Variants in GRAMD4 observed in about 807,000 individuals in gnomAD.
GRAMD4 encodes GRAM domain-containing protein 4.
In GRAMD4, 25 loss-of-function variants were observed where a neutral mutation model predicts 83.9. That is an observed-to-expected ratio of 0.30 (90% CI 0.22 to 0.42). The LOEUF is 0.42. GRAMD4 is among the 10% of genes least tolerant of loss of function. GRAMD4 has a pLI of 1.00. For missense variants in GRAMD4, 593 were observed against 788.7 expected (o/e 0.75, Z 2.97); for synonymous variants, 336 against 320.9 (o/e 1.05, Z -0.50).
At chr22:46,597,171 G>A (rs1254901899) in intron 1 of GRAMD4, among the ~76,000 whole-genome samples, 1 of 152,200 alleles carries the variant, frequency 6.6e-6, no homozygotes, top group Non-Finnish European at 1.5e-5. Context: ...AGACTTGCAG[G>A]TGCCAGGTGT....
intron 5 of GRAMD4, among the ~76,000 whole-genome samples, chr22:46,661,979 A>C (rs73176524): frequency 0.09 from 13,682 of 152,322 alleles, 808 homozygotes; most frequent in South Asian, 0.16. Flanking sequence ...GGGGGTCAGC[A>C]AACTCCAGCC....
At chr22:46,627,015 T>A in intron 2 of GRAMD4, 54 bp downstream of exon 2, 1 of 1,322,344 alleles carries the variant, frequency 7.6e-7, no homozygotes, top group Non-Finnish European at 1.1e-6. Flanking sequence ...CCCCGTCCTC[T>A]GTGGCCGGGC....
At chr22:46,660,407 G>T (rs2082309987) in intron 4 of GRAMD4, among the ~76,000 whole-genome samples, 1 of 152,116 alleles carries the variant, frequency 6.6e-6, no homozygotes, top group South Asian at 2.1e-4. Flanking sequence ...TCGTCCTGGT[G>T]CAGATCTGGG....
exon 1 of GRAMD4, chr22:46,577,272 G>A: frequency 1.0e-6 from 1 of 979,608 alleles, no homozygotes; most frequent in Non-Finnish European, 1.2e-6. Context: ...ATGAGAGTTG[G>A]CCCCGATATC....
chr22:46,669,361 T>C (rs1449237475), intron 13 of GRAMD4, among the ~76,000 whole-genome samples: 5 of 151,930 alleles, frequency 3.3e-5, no homozygotes, highest in African/African-American at 1.2e-4. Context: ...ACTAAAACAC[T>C]CATCTGCAGA....
rs1324780612 is a variant in GRAMD4, at chr22:46,659,247, C to T, written c.404+940C>T. On this transcript the variant is annotated intron_variant, in intron 4 of 18. Coordinates refer to ENST00000406902, the MANE Select transcript of GRAMD4 (RefSeq NM_015124.5). This position sits in a 1 kb window ranked among gnomAD's most constrained non-coding sequence, Gnocchi z 4.1. The stretch of plus-strand genomic sequence containing the variant: ...TCTCAGCCTCCACTCCCTCAGCCTC[C>T]CCCCTCAGTCTCCACCCTCAGTTTC... Among the ~76,000 whole-genome samples, 1 of 126,456 alleles carries T rather than the reference C, an allele frequency of 7.9e-6. No individual in the cohort carries two copies. Among genetic ancestry groups the T allele is most frequent in the East Asian group, 1.9e-4 (1 of 5,172 alleles). 83.0% of individuals were successfully genotyped at this position (126,456 alleles called of 152,430 possible).
At chr22:46,638,037 C>T (rs1288081802) in intron 3 of GRAMD4, 77 bp downstream of exon 3, 2 of 1,505,516 alleles carry the variant, frequency 1.3e-6, no homozygotes, top group Non-Finnish European at 1.8e-6. Flanking sequence ...GTCGTCTTGC[C>T]CAGGAGCTGG....
chr22:46,636,799 C>G (rs1018748356), intron 2 of GRAMD4, among the ~76,000 whole-genome samples: 6 of 152,220 alleles, frequency 3.9e-5, no homozygotes, highest in African/African-American at 9.6e-5. Flanking sequence ...CTTTCTGTCC[C>G]ATCAGCAGGG....
chr22:46,608,194 C>T (rs899784498), intron 1 of GRAMD4, among the ~76,000 whole-genome samples: 2 of 152,186 alleles, frequency 1.3e-5, no homozygotes, highest in Non-Finnish European at 2.9e-5. Context: ...AGCCCCTTAG[C>T]AAGCCTGTCC....
Position 46,677,421 on chromosome 22 carries a change from G to T in GRAMD4, c.*170G>T, listed in dbSNP as rs2082615556. 3 of 1,372,680 alleles carry T rather than the reference G, an allele frequency of 2.2e-6. No individual in the cohort carries two copies. Among genetic ancestry groups the T allele is most frequent in the Non-Finnish European group, 2.8e-6 (3 of 1,063,348 alleles). The allele number at this position is 1,372,680 out of a possible 1,614,324, so 85.0% of individuals were successfully genotyped here. A position where few individuals can be genotyped will look rare whatever the true frequency, so the allele number is the denominator to read the frequency against. On this transcript the variant is annotated 3_prime_UTR_variant, in exon 19 of 19. Transcript: ENST00000406902. ...ACCTCTGCGTTTTATCGACCAAGAA[G>T]GGGCCAGGGCTCACAGGGACGGGGG...
chr22:46,654,427 G>A (rs914021205), intron 3 of GRAMD4, among the ~76,000 whole-genome samples: 4 of 152,206 alleles, frequency 2.6e-5, no homozygotes, highest in South Asian at 2.1e-4. Context: ...GTGTCCCGGC[G>A]CCTTGGCAGA....
upstream of GRAMD4, among the ~76,000 whole-genome samples, chr22:46,576,711 C>T (rs970549787): frequency 1.3e-5 from 2 of 152,074 alleles, no homozygotes; most frequent in Non-Finnish European, 2.9e-5. Flanking sequence ...GGGTTTCCAC[C>T]GGCAGCCCAG....
intron 1 of GRAMD4, among the ~76,000 whole-genome samples, chr22:46,580,080 G>A (rs1348992482): frequency 2.6e-5 from 4 of 152,224 alleles, no homozygotes; most frequent in Non-Finnish European, 5.9e-5. Context: ...GACTGTCTCT[G>A]CAGAAAGCCC....
intron 1 of GRAMD4, among the ~76,000 whole-genome samples, chr22:46,613,077 A>G (rs2081433566): frequency 6.6e-6 from 1 of 152,182 alleles, no homozygotes; most frequent in Non-Finnish European, 1.5e-5. Flanking sequence ...CTGCCTCCCC[A>G]GCGCCTGTGG....
At chr22:46,632,406 A>C (rs1235419812) in intron 2 of GRAMD4, among the ~76,000 whole-genome samples, 1 of 152,212 alleles carries the variant, frequency 6.6e-6, no homozygotes, top group African/African-American at 2.4e-5. Context: ...CAGTTGAGGC[A>C]AAAGTTGGAG....
Position 46,673,684 on chromosome 22 carries a change from G to C in GRAMD4, c.1254G>C (p.Ser418=), listed in dbSNP as rs146325443. 2 of 1,611,954 alleles carry C rather than the reference G, an allele frequency of 1.2e-6. No individual in the cohort carries two copies. Among genetic ancestry groups the C allele is most frequent in the Non-Finnish European group, 1.7e-6 (2 of 1,179,170 alleles). ...GCCGTTGGCAGCTGCAGACGACCTC[G>C]TCACGGAGCTACGTACCCAGCGCAC... ...AAVSRRLQTT[S]SRSYVPSAPA... The change falls in exon 15 of 19, where the codon TCG becomes TCC. Residue 418 remains serine (S), a synonymous_variant. Coordinates refer to ENST00000406902, the MANE Select transcript of GRAMD4 (RefSeq NM_015124.5).
Position 46,585,147 on chromosome 22 carries a change from G to A in GRAMD4, c.-50+7857G>A, listed in dbSNP as rs2081136339. Among the ~76,000 whole-genome samples, 3 of 151,974 alleles carry A rather than the reference G, an allele frequency of 2.0e-5. No homozygotes were observed. In the South Asian group the frequency reaches 6.2e-4, roughly 32 times the overall value. ...CTGGTTTGTCGGCGGTGTTTTCCAGGCAGCATTTTGGGGATCTGAGTGGAG... is the reference window on the plus strand; with the variant it reads ...CTGGTTTGTCGGCGGTGTTTTCCAGACAGCATTTTGGGGATCTGAGTGGAG... On this transcript the variant is annotated intron_variant, in intron 1 of 1. Transcript: ENST00000431155.
chr22:46,599,716 G>C (rs992523780), intron 1 of GRAMD4, among the ~76,000 whole-genome samples: 1 of 152,178 alleles, frequency 6.6e-6, no homozygotes, highest in Non-Finnish European at 1.5e-5. Context: ...TCTCTGAAAT[G>C]AGCATCTTGG....
intron 15 of GRAMD4, 107 bp from the exon 16 acceptor site, chr22:46,674,550 G>A (rs979895310): frequency 6.2e-5 from 51 of 823,744 alleles, no homozygotes; most frequent in Middle Eastern, 2.3e-4. Context: ...ACGTGAGCGC[G>A]GTGGGCGGAT....
Sources: gnomAD v4.1 joint callset for allele counts (sites outside exome capture counted in the v4.1 genomes callset) on GRCh38, gnomAD v4.1.1 for gene constraint, Gnocchi (gnomAD v3.1) non-coding constraint, MANE v1.5 for transcripts, NCBI Gene and HGNC (gene_info 2026-07-23, HGNC 2026-07-21) for gene names.